GPR137C: variants seen among roughly 807,000 people sequenced by gnomAD.
GPR137C encodes the protein integral membrane protein GPR137C.
Under a neutral mutation model 43.4 loss-of-function variants are expected in GPR137C, and 27 were observed. That is an observed-to-expected ratio of 0.62 (90% CI 0.46 to 0.86). The LOEUF is 0.86. Among genes scored for constraint, GPR137C ranks in the 40% least tolerant of loss-of-function variants. The probability of loss-of-function intolerance (pLI) is 0.00; values close to 1 mark genes in which losing one functional copy is unlikely to be tolerated. For missense variants in GPR137C, 522 were observed against 534.6 expected (o/e 0.98, Z 0.23); for synonymous variants, 285 against 226.9 (o/e 1.26, Z -2.30).
chr14:52,596,903 G>T (rs4901287), intron 1 of GPR137C: 1 of 453,886 alleles, frequency 2.2e-6, no homozygotes, highest in Non-Finnish European at 4.4e-6. Flanking sequence ...TGTCTTCTGC[G>T]TCAACCTTGC....
At chr14:52,568,845 G>A (rs1052958556) in intron 1 of GPR137C, among the ~76,000 whole-genome samples, 3 of 152,244 alleles carry the variant, frequency 2.0e-5, no homozygotes, top group Non-Finnish European at 4.4e-5. Flanking sequence ...GCACCTGGGG[G>A]AAGGGGCGGC....
chr14:52,615,788 C>A (rs1248007566), intron 3 of GPR137C, among the ~76,000 whole-genome samples: 2 of 152,064 alleles, frequency 1.3e-5, no homozygotes, highest in Non-Finnish European at 2.9e-5. Flanking sequence ...TGTAGAAATG[C>A]CACTGATTTG....
chr14:52,617,909 T>C (rs1024787910), intron 3 of GPR137C, among the ~76,000 whole-genome samples: 2 of 152,174 alleles, frequency 1.3e-5, no homozygotes, highest in Non-Finnish European at 2.9e-5. Context: ...AATTAAAAAA[T>C]ACATAAAATG....
intron 1 of GPR137C, among the ~76,000 whole-genome samples, chr14:52,572,637 T>C (rs142790386): frequency 3.8e-4 from 58 of 152,302 alleles, no homozygotes; most frequent in African/African-American, 1.4e-3. Context: ...CCACAGCCAA[T>C]ATCATACTGA....
At chr14:52,569,429 G>A (rs112775583) in intron 1 of GPR137C, among the ~76,000 whole-genome samples, 4 of 151,532 alleles carry the variant, frequency 2.6e-5, no homozygotes, top group Admixed American at 2.6e-4. Context: ...AACAAAACTG[G>A]ATGGAGAATG....
rs2038111109 is a variant in GPR137C, at chr14:52,553,213, G to C, written c.66G>C (p.Thr22=). 2 of 1,263,296 alleles carry C rather than the reference G, an allele frequency of 1.6e-6. No individual in the cohort carries two copies. The highest frequency in any genetic ancestry group is 2.8e-5 in the South Asian group (1 of 35,584). The allele number at this position is 1,263,296 out of a possible 1,614,324, so 78.3% of individuals were successfully genotyped here. A position where few individuals can be genotyped will look rare whatever the true frequency, so the allele number is the denominator to read the frequency against. Reference sequence around the variant, plus strand: ...CCGCAGCCGGCCGCGAGCCCTCCACGCCCGGCGGGGGCAGCGGAGGCGGAG... The same window carrying C: ...CCGCAGCCGGCCGCGAGCCCTCCACCCCCGGCGGGGGCAGCGGAGGCGGAG... The part of the protein sequence containing the change: ...AAPAAGREPS[T]PGGGSGGGGA... Residue 22 remains threonine (T), a synonymous_variant, in exon 1 of 7, where the codon ACG becomes ACC. Coordinates refer to ENST00000321662, the MANE Select transcript of GPR137C (RefSeq NM_001099652.2).
chr14:52,567,723 G>A (rs976809170), intron 1 of GPR137C, among the ~76,000 whole-genome samples: 18 of 148,144 alleles, frequency 1.2e-4, no homozygotes, highest in African/African-American at 3.8e-4. Flanking sequence ...GCAGTGGCGT[G>A]ATCTCTGCTC....
intron 1 of GPR137C, among the ~76,000 whole-genome samples, chr14:52,588,293 T>C (rs2038737769): frequency 6.6e-6 from 1 of 152,062 alleles, no homozygotes; most frequent in Non-Finnish European, 1.5e-5. Context: ...TACAGGTGCA[T>C]GCCACCACTC....
At chr14:52,567,688 A>G (rs114287521) in intron 1 of GPR137C, among the ~76,000 whole-genome samples, 1,487 of 146,650 alleles carry the variant, frequency 0.01, 27 homozygotes, top group African/African-American at 0.036. Flanking sequence ...GAGACAGAGA[A>G]TCGCCCTGTT....
chr14:52,575,153 G>T (rs1178829903), intron 1 of GPR137C, among the ~76,000 whole-genome samples: 2 of 152,116 alleles, frequency 1.3e-5, no homozygotes, highest in Non-Finnish European at 2.9e-5. Flanking sequence ...ATTTTACAGA[G>T]ATTTTTAGTA....
At chr14:52,618,637 A>G (rs1226030037) in intron 3 of GPR137C, among the ~76,000 whole-genome samples, 2 of 152,190 alleles carry the variant, frequency 1.3e-5, no homozygotes, top group South Asian at 2.1e-4. Context: ...AAATCAATGA[A>G]GTAAATATGC....
intron 3 of GPR137C, among the ~76,000 whole-genome samples, chr14:52,619,998 T>C (rs189406062): frequency 8.5e-5 from 13 of 152,194 alleles, no homozygotes; most frequent in Middle Eastern, 3.4e-3. Flanking sequence ...GGACCAACTT[T>C]CCACAGATAG....
chr14:52,581,766 A>G (rs1384032155), intron 1 of GPR137C, among the ~76,000 whole-genome samples: 1 of 152,228 alleles, frequency 6.6e-6, no homozygotes, highest in African/African-American at 2.4e-5. Context: ...ACCATGGAAA[A>G]GAGATTATGT....
chr14:52,612,079 C>T, intron 3 of GPR137C: 2 of 984,962 alleles, frequency 2.0e-6, no homozygotes, highest in Non-Finnish European at 2.4e-6. Context: ...TTTATTTCTA[C>T]CAGACTTGCT....
intron 1 of GPR137C, among the ~76,000 whole-genome samples, chr14:52,575,538 A>G (rs919804785): frequency 6.6e-6 from 1 of 152,222 alleles, no homozygotes; most frequent in Non-Finnish European, 1.5e-5. Context: ...TTGATTTCTT[A>G]ATACATTTTC....
intron 1 of GPR137C, among the ~76,000 whole-genome samples, chr14:52,573,278 A>C (rs1245487439): frequency 2.0e-5 from 3 of 152,200 alleles, no homozygotes; most frequent in Non-Finnish European, 4.4e-5. Context: ...AATCCTAAGC[A>C]AAAAGAACAC....
chr14:52,599,656 A>T (rs1179805331), intron 2 of GPR137C, among the ~76,000 whole-genome samples: 1 of 152,040 alleles, frequency 6.6e-6, no homozygotes, highest in African/African-American at 2.4e-5. Context: ...CTGGTCTCGA[A>T]CTCCTGGCCT....
rs762063 is a variant in GPR137C at position 52,632,184 on chromosome 14, G to A, written c.742G>A (p.Val248Ile). The A allele has an allele frequency of 0.51, 817,028 of 1,602,058 alleles. 212,326 individuals carry two copies. The highest frequency in any genetic ancestry group is 0.56 in the Middle Eastern group (3,413 of 6,048). Residue 248 changes from valine to isoleucine, a missense_variant, in exon 4 of 7, where the codon GTC becomes ATC. This residue lies in a region of GPR137C where 437 missense variants were observed against 425.7 expected (regional missense o/e 1.03). Transcript: ENST00000321662. ...SKGMSLCQTVVVGSVVILLYS... is the reference protein window; with the variant it reads ...SKGMSLCQTVIVGSVVILLYS... ...GGGTATGTCTCTGTGCCAGACTGTC[G>A]TCGTGGGCTCTGTAGTCATTCTTCT...
intron 1 of GPR137C, among the ~76,000 whole-genome samples, chr14:52,590,713 G>T (rs888457568): frequency 6.6e-6 from 1 of 152,156 alleles, no homozygotes; most frequent in Non-Finnish European, 1.5e-5. Flanking sequence ...CAGGTTTGTA[G>T]CCTAGGAGCA....
Sources: allele counts gnomAD v4.1 joint callset (sites outside exome capture counted in the v4.1 genomes callset), GRCh38; gene constraint gnomAD v4.1.1; regional missense constraint gnomAD v4.1.1; transcripts MANE v1.5; gene names NCBI Gene and HGNC (gene_info 2026-07-23, HGNC 2026-07-21).